The following JADE3 variants were observed in gnomAD, a reference collection of about 807,000 sequenced individuals.
JADE3 encodes jade family PHD finger 3, also known as protein Jade-3.
Under a neutral mutation model 50.1 loss-of-function variants are expected in JADE3, and 2 were observed. That is an observed-to-expected ratio of 0.04 (90% confidence interval 0.02 to 0.13). The LOEUF (loss-of-function observed/expected upper bound fraction) is 0.13, where lower values mean the gene tolerates loss of function less well. Ranked by LOEUF, JADE3 falls within the 10% of genes least tolerant of loss-of-function variation. The pLI is 1.00. For synonymous variants in JADE3, 218 were observed against 232.9 expected (o/e 0.94, Z 0.58); for missense variants, 475 against 634.4 (o/e 0.75, Z 2.70).
At chrX:47,019,588 T>C (rs1556363881) in intron 4 of JADE3, among the ~76,000 whole-genome samples, 1 of 112,003 alleles carries the variant, frequency 8.9e-6, no homozygotes, top group African/African-American at 3.3e-5. Context: ...TTCAAACCTT[T>C]ACAAAACCTA....
intron 1 of JADE3, among the ~76,000 whole-genome samples, chrX:46,937,472 A>G (rs1160534321): frequency 9.0e-6 from 1 of 111,592 alleles, no homozygotes; most frequent in Non-Finnish European, 1.9e-5. Context: ...TCTGTCTACT[A>G]GTTCTGTATA....
chrX:47,054,605 C>A lies in JADE3; in HGVS notation c.1420C>A (p.His474Asn), dbSNP rs200186609. 227 of 1,194,087 alleles carry A rather than the reference C, an allele frequency of 1.9e-4. No homozygotes were observed. Among genetic ancestry groups the A allele is most frequent in the Non-Finnish European group, 2.5e-4 (222 of 885,754 alleles). The change falls in exon 9 of 11, where the codon CAT (histidine) becomes AAT (asparagine). Residue 474 changes from histidine to asparagine, a missense_variant. His to Asn is a moderately conservative substitution (Grantham distance 68, BLOSUM62 1). Coordinates refer to ENST00000614628, the MANE Select transcript of JADE3 (RefSeq NM_014735.5). The stretch of plus-strand genomic sequence containing the variant: ...TCACACTCGAATGAGAATGTTTATG[C>A]ATCTACGCCAGGACCTGGAGAGGGT... Reference protein sequence around the residue: ...SIHTRMRMFMHLRQDLERVRN... With the variant: ...SIHTRMRMFMNLRQDLERVRN...
At position 46,915,487 on chromosome X, in the gene JADE3, A is replaced by T. The variant is rs112002913; in HGVS notation, c.-12+2768A>T. 7.4e-3 allele frequency among the ~76,000 whole-genome samples: 831 copies of T among 111,913 alleles called. 10 individuals are homozygous for T. The highest frequency in any genetic ancestry group is 0.025 in the African/African-American group (768 of 30,762). ...ATGGCTCACAAGTTTCTGTTGTTCC[A>T]GTTACAGTGGCTGGGAAAGCTGAAA... On this transcript the variant is annotated intron_variant, in intron 1 of 10. Coordinates refer to ENST00000614628, the MANE Select transcript of JADE3 (RefSeq NM_014735.5).
At chrX:47,015,720 CTTTTTTT>C (rs1170777560) in intron 4 of JADE3, among the ~76,000 whole-genome samples, 1 of 84,064 alleles carries the variant, frequency 1.2e-5, no homozygotes. Flanking sequence ...GTCTCAGCAT[CTTTTTTT>C]TTTTTTTTTT....
chrX:47,020,256 G>C (rs890265641), intron 4 of JADE3, among the ~76,000 whole-genome samples: 1 of 109,878 alleles, frequency 9.1e-6, no homozygotes, highest in Non-Finnish European at 1.9e-5. Flanking sequence ...ATTTCAACCT[G>C]GTAGGCAGAG....
intron 1 of JADE3, among the ~76,000 whole-genome samples, chrX:46,973,163 A>G (rs1927537424): frequency 8.9e-6 from 1 of 112,643 alleles, no homozygotes; most frequent in Admixed American, 9.4e-5. Context: ...AAGTCTTTAT[A>G]TTAAAGAGGG....
chrX:46,993,764 A>G (rs1264711182), intron 3 of JADE3, among the ~76,000 whole-genome samples: 3 of 112,197 alleles, frequency 2.7e-5, no homozygotes, highest in African/African-American at 6.5e-5. Context: ...AAAAAAATCA[A>G]TGTGGGATGC....
chrX:46,963,827 C>G (rs1355110864), intron 1 of JADE3, among the ~76,000 whole-genome samples: 1 of 111,823 alleles, frequency 8.9e-6, no homozygotes, highest in Non-Finnish European at 1.9e-5. Context: ...ACTGGCACAC[C>G]ATCACCTCAT....
In JADE3 at chrX:46,983,170, G is replaced by C. The variant is rs554687665; in HGVS notation, c.-11-1714G>C. On this transcript the variant is annotated intron_variant, in intron 1 of 10. Transcript: ENST00000614628. ...TCTCTCTGGCATATTAGGCAGCCTA[G>C]GCTTGAACTTCTGTACACTCAGTTG... Among the ~76,000 whole-genome samples, 5 of 112,183 alleles carry C rather than the reference G, an allele frequency of 4.5e-5. No individual in the cohort carries two copies. In the East Asian group the frequency reaches 1.4e-3, roughly 31 times the overall value.
chrX:46,976,047 G>A (rs1316989659), intron 1 of JADE3, among the ~76,000 whole-genome samples: 12 of 110,153 alleles, frequency 1.1e-4, no homozygotes, highest in African/African-American at 3.4e-4. Flanking sequence ...TTTCAAGGAC[G>A]AATGTTAGAA....
intron 3 of JADE3, among the ~76,000 whole-genome samples, chrX:46,990,052 T>C (rs910277612): frequency 9.8e-6 from 1 of 101,821 alleles, no homozygotes; most frequent in African/African-American, 3.5e-5. Context: ...ATTCTTTATA[T>C]ATATATTCCA....
intron 4 of JADE3, among the ~76,000 whole-genome samples, chrX:47,018,910 G>T (rs150960071): frequency 1.8e-5 from 2 of 111,812 alleles, no homozygotes; most frequent in Non-Finnish European, 3.8e-5. Flanking sequence ...TATTCACTGC[G>T]TGTCTGTGTA....
chrX:46,983,541 G>A (rs1460097136), intron 1 of JADE3, among the ~76,000 whole-genome samples: 8 of 111,172 alleles, frequency 7.2e-5, no homozygotes, highest in Non-Finnish European at 1.5e-4. Flanking sequence ...AGCTGGGAAC[G>A]GGATAAGAGA....
intron 1 of JADE3, among the ~76,000 whole-genome samples, chrX:46,962,035 A>G (rs1268244239): frequency 8.9e-6 from 1 of 112,040 alleles, no homozygotes; most frequent in Non-Finnish European, 1.9e-5. Flanking sequence ...AGAAGGATTA[A>G]AATTGAGCCT....
intron 1 of JADE3, among the ~76,000 whole-genome samples, chrX:46,920,231 T>C (rs1278197439): frequency 3.6e-5 from 4 of 112,372 alleles, no homozygotes; most frequent in African/African-American, 1.3e-4. Context: ...TCAAAAAAAA[T>C]CTAGCCAGTT....
rs1556336843 is a variant in JADE3 at position 46,917,863 on chromosome X, C to CA, written c.-12+5144_-12+5145insA. Reference sequence around the variant, plus strand: ...TCTCTCTCTCTCTCTCTCATCCTCTCTCTCTCTCTCTCTCTCTCTCTCATC... The same window carrying CA: ...TCTCTCTCTCTCTCTCTCATCCTCTCATCTCTCTCTCTCTCTCTCTCTCATC... On this transcript the variant is annotated intron_variant, in intron 1 of 10. Transcript: ENST00000614628. Among the ~76,000 whole-genome samples the CA allele has an allele frequency of 1.3e-3, 79 of 61,621 alleles. 1 individual carries two copies. Among genetic ancestry groups the CA allele is most frequent in the South Asian group, 3.0e-3 (5 of 1,645 alleles). The allele number at this position is 61,621 out of a possible 115,157, so 53.5% of individuals were successfully genotyped here. A position where few individuals can be genotyped will look rare whatever the true frequency, so the allele number is the denominator to read the frequency against.
At chrX:46,963,840 T>C (rs1556348316) in intron 1 of JADE3, among the ~76,000 whole-genome samples, 1 of 111,929 alleles carries the variant, frequency 8.9e-6, no homozygotes, top group East Asian at 2.8e-4. Flanking sequence ...CACCTCATAC[T>C]GTACTCGATT....
At chrX:46,989,312 G>C (rs782353412) in intron 3 of JADE3, among the ~76,000 whole-genome samples, 1 of 111,922 alleles carries the variant, frequency 8.9e-6, no homozygotes, top group South Asian at 3.7e-4. Context: ...CTTTATTTCT[G>C]ATGTTCCCAT....
intron 4 of JADE3, among the ~76,000 whole-genome samples, chrX:47,005,919 C>T (rs1252070581): frequency 9.0e-6 from 1 of 111,459 alleles, no homozygotes; most frequent in Non-Finnish European, 1.9e-5. Flanking sequence ...GCCCCCAACC[C>T]TGATCTCCAG....
Sources: gnomAD v4.1 joint callset for allele counts (sites outside exome capture counted in the v4.1 genomes callset) on GRCh38, gnomAD v4.1.1 for gene constraint, MANE v1.5 for transcripts, NCBI Gene and HGNC (gene_info 2026-07-23, HGNC 2026-07-21) for gene names.